The following TM4SF20 variants were observed in gnomAD, a reference collection of about 807,000 sequenced individuals.
The protein encoded by TM4SF20 is transmembrane 4 L six family member 20.
Under a neutral mutation model 15.1 loss-of-function variants are expected in TM4SF20, and 13 were observed. The ratio of observed to expected loss-of-function variants is 0.86; its 90% CI spans 0.56 to 1.36. TM4SF20 has a LOEUF of 1.36. TM4SF20 is among the 40% of genes most tolerant of loss of function. TM4SF20 has a pLI of 0.00. For synonymous variants in TM4SF20, 92 were observed against 96.6 expected (o/e 0.95, Z 0.28); for missense variants, 282 against 268.4 (o/e 1.05, Z -0.35).
At chr2:227,368,181 G>A (rs1180242679) in intron 2 of TM4SF20, among the ~76,000 whole-genome samples, 3 of 147,234 alleles carry the variant, frequency 2.0e-5, no homozygotes, top group Non-Finnish European at 4.5e-5. Flanking sequence ...CCGCCACCAC[G>A]CCCGGCTAAT....
rs140314055 is a variant in TM4SF20, at chr2:227,371,436, G to C, written c.184-456C>G. Among the ~76,000 whole-genome samples the C allele has an allele frequency of 5.1e-3, 783 of 152,222 alleles. 6 individuals are homozygous for C. The highest frequency in any genetic ancestry group is 0.018 in the African/African-American group (750 of 41,532). ...GCTCACTGTAGCCTTGAACTCCTGGGCTCAAATAATCCTCCTGCCTTAGCC... is the reference window on the plus strand; with the variant it reads ...GCTCACTGTAGCCTTGAACTCCTGGCCTCAAATAATCCTCCTGCCTTAGCC... On this transcript the variant is annotated intron_variant, in intron 1 of 3. Coordinates refer to ENST00000304568, the MANE Select transcript of TM4SF20 (RefSeq NM_024795.4).
upstream of TM4SF20, among the ~76,000 whole-genome samples, chr2:227,380,816 C>T (rs895858322): frequency 2.6e-5 from 4 of 152,138 alleles, no homozygotes; most frequent in South Asian, 2.1e-4. Context: ...TAGAGAGCAG[C>T]GCTCCACCCT....
intron 2 of TM4SF20, among the ~76,000 whole-genome samples, chr2:227,367,153 C>T (rs970512284): frequency 9.9e-5 from 15 of 152,146 alleles, no homozygotes; most frequent in African/African-American, 2.7e-4. Flanking sequence ...TATCATCCCC[C>T]GACGCCTTGC....
chr2:227,370,134 T>C (rs1289394942), intron 2 of TM4SF20, among the ~76,000 whole-genome samples: 1 of 152,202 alleles, frequency 6.6e-6, no homozygotes, highest in African/African-American at 2.4e-5. Flanking sequence ...TTAAATGTTT[T>C]GGGGGAAAAA....
At chr2:227,378,935 C>T in intron 1 of TM4SF20, 151 bp downstream of exon 1, 1 of 716,470 alleles carries the variant, frequency 1.4e-6, no homozygotes. Context: ...CCATTCTTCA[C>T]TGATGACCAA....
At chr2:227,381,576 G>C (rs977761991), upstream of TM4SF20, 3 of 152,092 alleles carry the variant, frequency 2.0e-5, no homozygotes, top group Admixed American at 6.6e-5. Context: ...AGTGGGAGGT[G>C]GTAGTTACTT....
At chr2:227,370,864 G>T (rs911008061) in intron 2 of TM4SF20, 51 bp downstream of exon 2, 12 of 1,507,258 alleles carry the variant, frequency 8.0e-6, no homozygotes, top group Admixed American at 3.3e-5. Flanking sequence ...TGCTTAGGTA[G>T]CAATAACTGT....
chr2:227,363,415 CAAAAAA>C lies in TM4SF20; in HGVS notation c.*303_*308del, dbSNP rs5839210. ...TCCAGCCTTTTTTGAGACCCTGTCT[CAAAAAA>C]AAAAAAAAAAAGTCCTGTACTTTTA... is the stretch of plus-strand genomic sequence containing the variant. On this transcript the variant is annotated 3_prime_UTR_variant, in exon 4 of 4. Coordinates refer to ENST00000304568, the MANE Select transcript of TM4SF20 (RefSeq NM_024795.4). The C allele has an allele frequency of 7.1e-5, 10 of 139,942 alleles. No individual in the cohort carries two copies. The East Asian group carries it at 1.2e-3, about 17-fold the overall frequency. The allele number at this position is 139,942 out of a possible 1,614,324, so 8.7% of individuals were successfully genotyped here. A position where few individuals can be genotyped will look rare whatever the true frequency, so the allele number is the denominator to read the frequency against.
chr2:227,371,042 A>T, intron 1 of TM4SF20, 62 bp from the exon 2 acceptor site: 1 of 1,365,462 alleles, frequency 7.3e-7, no homozygotes, highest in East Asian at 2.3e-5. Context: ...AAAAAATAGT[A>T]ATCTTCACCT....
rs149852260 is a variant in TM4SF20, at chr2:227,370,924, G to A, written c.240C>T (p.Asn80=). The A allele has an allele frequency of 8.1e-6, 13 of 1,613,944 alleles. No individual in the cohort carries two copies. Among genetic ancestry groups the A allele is most frequent in the Admixed American group, 1.7e-5 (1 of 60,012 alleles). The part of the protein sequence containing the change: ...LTARKRACCN[N]RTGMFLSSLF... ...ACTGCTTCATACTTACTCCAGTTCT[G>A]TTGTTGCAGCACGCTCTTTTTCTTG... is the stretch of plus-strand genomic sequence containing the variant. The change falls in exon 2 of 4, where the codon AAC becomes AAT. Residue 80 remains asparagine, a synonymous_variant. Coordinates refer to ENST00000304568, the MANE Select transcript of TM4SF20 (RefSeq NM_024795.4).
intron 3 of TM4SF20, among the ~76,000 whole-genome samples, chr2:227,365,507 A>T (rs561807143): frequency 1.3e-5 from 2 of 152,196 alleles, no homozygotes; most frequent in South Asian, 2.1e-4. Flanking sequence ...TTATTACATG[A>T]CTTAAAATTT....
At chr2:227,375,969 T>C (rs2076448449) in intron 1 of TM4SF20, among the ~76,000 whole-genome samples, 2 of 152,240 alleles carry the variant, frequency 1.3e-5, no homozygotes, top group Non-Finnish European at 2.9e-5. Flanking sequence ...TTTTTAAAAA[T>C]ACTCGAACAA....
intron 3 of TM4SF20, 87 bp downstream of exon 3, chr2:227,366,006 A>G (rs1040402886): frequency 7.4e-7 from 1 of 1,348,796 alleles, no homozygotes; most frequent in African/African-American, 1.5e-5. Context: ...TCAAATAAAA[A>G]CATGGCATTG....
At position 227,363,736 on chromosome 2, in the gene TM4SF20, ACTT is replaced by A. The variant is rs748230013; in HGVS notation, c.675_677del (p.Arg225del). The A allele has an allele frequency of 6.2e-7, 1 of 1,612,548 alleles. No individual in the cohort carries two copies. Among genetic ancestry groups the A allele is most frequent in the Non-Finnish European group, 8.5e-7 (1 of 1,179,420 alleles). On this transcript the variant is annotated inframe_deletion, in exon 4 of 4. Coordinates refer to ENST00000304568, the MANE Select transcript of TM4SF20 (RefSeq NM_024795.4). Reference sequence around the variant, plus strand: ...TATTCCCATTAAACTACACAATTTGACTTCTTCGCTTAGAGACTCCACACAGAC... The same window carrying A: ...TATTCCCATTAAACTACACAATTTGACTTCGCTTAGAGACTCCACACAGAC...
chr2:227,366,938 T>G (rs2076396523), intron 2 of TM4SF20, among the ~76,000 whole-genome samples: 1 of 152,046 alleles, frequency 6.6e-6, no homozygotes, highest in Non-Finnish European at 1.5e-5. Context: ...CGCAAGCGTT[T>G]GGCCCTGATG....
intron 3 of TM4SF20, among the ~76,000 whole-genome samples, chr2:227,364,457 A>C (rs1389825946): frequency 6.7e-6 from 1 of 149,436 alleles, no homozygotes; most frequent in Non-Finnish European, 1.5e-5. Context: ...CTTCAACCAG[A>C]TGTACAGTTT....
At position 227,379,276 on chromosome 2, in the gene TM4SF20, C is replaced by T. The variant is rs76384985; in HGVS notation, c.-8G>A. 1.3e-3 allele frequency: 2,053 copies of T among 1,612,128 alleles called. 34 individuals carry two copies. In the East Asian group the frequency reaches 0.041, roughly 32 times the overall value. On this transcript the variant is annotated 5_prime_UTR_variant, in exon 1 of 4. Coordinates refer to ENST00000304568, the MANE Select transcript of TM4SF20 (RefSeq NM_024795.4). ...TCCTTCGCAGCAGGTCATGGTCACC[C>T]CTGGCTCAGAAACGTTGTCAAAGTG...
intron 1 of TM4SF20, among the ~76,000 whole-genome samples, chr2:227,374,941 A>AT (rs1213212785): frequency 1.4e-5 from 2 of 146,284 alleles, no homozygotes; most frequent in South Asian, 4.3e-4. Context: ...AAAAAAAAAA[A>AT]TTTTGAGACA....
intron 1 of TM4SF20, among the ~76,000 whole-genome samples, chr2:227,377,522 G>A (rs2076456920): frequency 1.3e-5 from 2 of 152,304 alleles, no homozygotes; most frequent in East Asian, 3.9e-4. Flanking sequence ...TGATGGTAAA[G>A]GAAGAGTGTT....
Sources: allele counts gnomAD v4.1 joint callset (sites outside exome capture counted in the v4.1 genomes callset), GRCh38; gene constraint gnomAD v4.1.1; transcripts MANE v1.5; gene names NCBI Gene and HGNC (gene_info 2026-07-23, HGNC 2026-07-21).